Variants in CLYBL observed in about 807,000 individuals in gnomAD.
CLYBL encodes the protein citramalyl-CoA lyase, mitochondrial.
Under a neutral mutation model 38.9 loss-of-function variants are expected in CLYBL, and 31 were observed. The ratio of observed to expected loss-of-function variants is 0.80; its 90% confidence interval spans 0.60 to 1.08. CLYBL has a LOEUF of 1.08. Among genes scored for constraint, CLYBL ranks in the 50% least tolerant of loss-of-function variants. The pLI is 0.00. For missense variants in CLYBL, 434 were observed against 411.6 expected, an observed-to-expected ratio of 1.05 and a Z score of -0.47; for synonymous variants, 171 against 158.6, an observed-to-expected ratio of 1.08 and a Z score of -0.59.
downstream of CLYBL, chr13:99,896,965 A>G (rs1276747808): frequency 6.6e-6 from 1 of 152,218 alleles, no homozygotes; most frequent in East Asian, 1.9e-4. Flanking sequence ...ATTCCAGATG[A>G]ACTTTTCTTT....
chr13:99,841,244 T>C (rs2051068391), intron 2 of CLYBL, among the ~76,000 whole-genome samples: 1 of 152,116 alleles, frequency 6.6e-6, no homozygotes, highest in South Asian at 2.1e-4. Flanking sequence ...AGACTCTAGA[T>C]CTTTAAGATC....
chr13:99,661,774 G>T (rs2047412643), intron 1 of CLYBL, among the ~76,000 whole-genome samples: 1 of 152,104 alleles, frequency 6.6e-6, no homozygotes, highest in Non-Finnish European at 1.5e-5. Context: ...TGGGTCATTT[G>T]ATAGTTTGTT....
intron 1 of CLYBL, among the ~76,000 whole-genome samples, chr13:99,647,026 C>G (rs1222113465): frequency 6.6e-6 from 1 of 152,142 alleles, no homozygotes; most frequent in Non-Finnish European, 1.5e-5. Flanking sequence ...CTCTGGCCTC[C>G]CATGCTTTGG....
chr13:99,833,036 T>G (rs1234555252), intron 2 of CLYBL, among the ~76,000 whole-genome samples: 1 of 33,728 alleles, frequency 3.0e-5, no homozygotes, highest in Non-Finnish European at 6.2e-5. Context: ...ATATATTTTT[T>G]TTTTTTTTTT....
intron 1 of CLYBL, among the ~76,000 whole-genome samples, chr13:99,701,257 A>T (rs953992203): frequency 6.6e-6 from 1 of 152,154 alleles, no homozygotes; most frequent in Non-Finnish European, 1.5e-5. Flanking sequence ...CTTTATATAT[A>T]TTGTCTCATT....
chr13:99,777,301 A>G (rs2049538769), intron 2 of CLYBL, among the ~76,000 whole-genome samples: 2 of 152,194 alleles, frequency 1.3e-5, no homozygotes, highest in Non-Finnish European at 2.9e-5. Context: ...AAATGAAGAT[A>G]TGTTCCCAAT....
At chr13:99,630,759 A>G (rs2046931921) in intron 1 of CLYBL, among the ~76,000 whole-genome samples, 1 of 152,146 alleles carries the variant, frequency 6.6e-6, no homozygotes, top group African/African-American at 2.4e-5. Flanking sequence ...GGAGAAGACT[A>G]CAGTCTCCCG....
chr13:99,685,430 T>C (rs1222409054), intron 1 of CLYBL, among the ~76,000 whole-genome samples: 2 of 152,196 alleles, frequency 1.3e-5, no homozygotes, highest in African/African-American at 4.8e-5. Flanking sequence ...ATATATCCTC[T>C]CCTGGGTTTT....
At chr13:99,723,688 G>A (rs1448402466) in intron 1 of CLYBL, among the ~76,000 whole-genome samples, 1 of 152,138 alleles carries the variant, frequency 6.6e-6, no homozygotes, top group Non-Finnish European at 1.5e-5. Flanking sequence ...GTGCCCCTTA[G>A]TCTCTCTATA....
chr13:99,718,620 A>G (rs2048352605), intron 1 of CLYBL, among the ~76,000 whole-genome samples: 1 of 152,098 alleles, frequency 6.6e-6, no homozygotes, highest in Admixed American at 6.6e-5. Context: ...TGTCCATTAG[A>G]TCTATCCATT....
intron 7 of CLYBL, among the ~76,000 whole-genome samples, chr13:99,876,958 C>T (rs757817650): frequency 5.3e-5 from 8 of 152,258 alleles, no homozygotes; most frequent in African/African-American, 1.7e-4. Context: ...CTCCACGTGC[C>T]GTTCCCCACA....
intron 1 of CLYBL, among the ~76,000 whole-genome samples, chr13:99,714,306 T>A (rs1316714276): frequency 6.6e-6 from 1 of 152,164 alleles, no homozygotes; most frequent in African/African-American, 2.4e-5. Flanking sequence ...GGTGTTTGAC[T>A]GTCAGTCCAT....
At chr13:99,797,077 T>C (rs1232845837) in intron 2 of CLYBL, among the ~76,000 whole-genome samples, 3 of 152,206 alleles carry the variant, frequency 2.0e-5, no homozygotes, top group Non-Finnish European at 2.9e-5. Flanking sequence ...TATTTCAACA[T>C]TGATAGAAGC....
At position 99,849,204 on chromosome 13, in the gene CLYBL, CTCTG is replaced by C. The variant is rs1224015014; in HGVS notation, c.250-9653_250-9650del. 1.3e-5 allele frequency among the ~76,000 whole-genome samples: 2 copies of C among 151,784 alleles called. No individual in the cohort carries two copies. Among genetic ancestry groups the C allele is most frequent in the East Asian group, 1.9e-4 (1 of 5,154 alleles). On this transcript the variant is annotated intron_variant, in intron 2 of 8. Coordinates refer to ENST00000339105, the MANE Select transcript of CLYBL (RefSeq NM_206808.5). The surrounding 1 kb of genome is among the most constrained non-coding windows in gnomAD (Gnocchi z 4.9). ...AGTGTAAGCTTGTGGTACGTAAATA[CTCTG>C]TCTTTTTTAAAAGTTGTGTGTAGCC... is the stretch of plus-strand genomic sequence containing the variant.
At chr13:99,833,563 T>G (rs2050867062) in intron 2 of CLYBL, among the ~76,000 whole-genome samples, 1 of 151,040 alleles carries the variant, frequency 6.6e-6, no homozygotes, top group African/African-American at 2.4e-5. Flanking sequence ...GCCATCAGAG[T>G]CCTCCAGTCA....
intron 2 of CLYBL, among the ~76,000 whole-genome samples, chr13:99,824,257 G>GCGCC (rs66867477): frequency 2.3e-5 from 3 of 130,414 alleles, no homozygotes; most frequent in African/African-American, 8.8e-5. Context: ...CTGACTAATA[G>GCGCC]CCCCCCCCAC....
chr13:99,776,449 T>C (rs35152575), intron 2 of CLYBL, among the ~76,000 whole-genome samples: 5,294 of 151,056 alleles, frequency 0.035, 151 homozygotes, highest in Non-Finnish European at 0.057. Flanking sequence ...TGAGCCGAGA[T>C]TGCCCCACTG....
chr13:99,775,850 G>A (rs1051953213), intron 2 of CLYBL, among the ~76,000 whole-genome samples: 2 of 151,920 alleles, frequency 1.3e-5, no homozygotes, highest in African/African-American at 2.4e-5. Context: ...GGAAAGCCAA[G>A]CTGGTCTTTG....
rs2139227356 is a variant in CLYBL at position 99,865,355 on chromosome 13, G to T, written c.634+444G>T. On this transcript the variant is annotated intron_variant, in intron 5 of 8. Coordinates refer to ENST00000339105, the MANE Select transcript of CLYBL (RefSeq NM_206808.5). This position sits in a 1 kb window ranked among gnomAD's most constrained non-coding sequence, Gnocchi z 4.7. ...ATTGTTTTCTACAGAATATGCGGTA[G>T]GTAAATATTATTTTAAATGGATCTT... is the stretch of plus-strand genomic sequence containing the variant. 1.3e-5 allele frequency: 3 copies of T among 236,304 alleles called. No individual in the cohort carries two copies. The highest frequency in any genetic ancestry group is 5.7e-5 in the South Asian group (1 of 17,554). 14.6% of individuals were successfully genotyped at this position (236,304 alleles called of 1,614,324 possible). A position where few individuals can be genotyped will look rare whatever the true frequency, so the allele number is the denominator to read the frequency against.
Sources: allele counts gnomAD v4.1 joint callset (sites outside exome capture counted in the v4.1 genomes callset), GRCh38; gene constraint gnomAD v4.1.1; non-coding constraint Gnocchi (gnomAD v3.1); transcripts MANE v1.5; gene names NCBI Gene and HGNC (gene_info 2026-07-23, HGNC 2026-07-21).